The following AGO3 variants were observed in gnomAD, a reference collection of about 807,000 sequenced individuals.
AGO3 encodes the protein protein argonaute-3.
In AGO3, 16 loss-of-function variants were observed where a neutral mutation model predicts 105.5. The observed-to-expected ratio is 0.15, with a 90% CI of 0.10 to 0.23. The LOEUF (loss-of-function observed/expected upper bound fraction) is 0.23, where lower values mean the gene tolerates loss of function less well. Among genes scored for constraint, AGO3 ranks in the 10% least tolerant of loss-of-function variants. The pLI is 1.00. For missense variants in AGO3, 534 were observed against 1,088.0 expected (o/e 0.49, Z 7.16); for synonymous variants, 340 against 367.3 (o/e 0.93, Z 0.85).
At chr1:35,979,323 C>T (rs1048904043) in intron 5 of AGO3, among the ~76,000 whole-genome samples, 7 of 151,854 alleles carry the variant, frequency 4.6e-5, no homozygotes, top group African/African-American at 7.3e-5. Flanking sequence ...GAGATCGCGC[C>T]GCTGCACCCC....
At chr1:35,947,669 G>A (rs1436525739) in intron 2 of AGO3, among the ~76,000 whole-genome samples, 1 of 152,044 alleles carries the variant, frequency 6.6e-6, no homozygotes, top group Non-Finnish European at 1.5e-5. Flanking sequence ...CCTGAACATG[G>A]GTTTTTCAGT....
intron 17 of AGO3, among the ~76,000 whole-genome samples, chr1:36,052,139 A>G (rs373777356): frequency 6.6e-6 from 1 of 152,208 alleles, no homozygotes; most frequent in Non-Finnish European, 1.5e-5. Context: ...GTACTATTAC[A>G]ATAGGCAAGA....
At chr1:36,024,231 C>G (rs1325210751) in intron 11 of AGO3, among the ~76,000 whole-genome samples, 1 of 151,390 alleles carries the variant, frequency 6.6e-6, no homozygotes, top group Admixed American at 6.6e-5. Flanking sequence ...CTTAACTTCC[C>G]AGGCTCAAAC....
chr1:36,022,657 C>T (rs370182198), intron 11 of AGO3, among the ~76,000 whole-genome samples: 6 of 151,892 alleles, frequency 4.0e-5, no homozygotes, highest in African/African-American at 1.2e-4. Flanking sequence ...ATAGGCTGGG[C>T]GCAGTGGCTC....
chr1:36,031,923 G>A (rs560312249), intron 12 of AGO3, among the ~76,000 whole-genome samples: 12 of 151,754 alleles, frequency 7.9e-5, no homozygotes, highest in Non-Finnish European at 1.8e-4. Flanking sequence ...GTGTGTGTGT[G>A]TGTATACACC....
At chr1:35,938,863 T>G (rs1203342083) in intron 1 of AGO3, among the ~76,000 whole-genome samples, 1 of 152,212 alleles carries the variant, frequency 6.6e-6, no homozygotes, top group Admixed American at 6.5e-5. Context: ...TTTTCATCAG[T>G]CACATTTGCT....
chr1:35,937,264 A>G (rs1287099194), intron 1 of AGO3, among the ~76,000 whole-genome samples: 2 of 152,070 alleles, frequency 1.3e-5, no homozygotes, highest in African/African-American at 4.8e-5. Flanking sequence ...TTAGCCGGGC[A>G]TAGTGGCGGG....
chr1:35,973,270 T>A, intron 4 of AGO3, 105 bp from the exon 5 acceptor site: 1 of 1,169,290 alleles, frequency 8.6e-7, no homozygotes, highest in African/African-American at 1.6e-5. Context: ...ATATTCATAA[T>A]GATAAGCATC....
chr1:35,960,185 T>A (rs1646648385), intron 2 of AGO3, among the ~76,000 whole-genome samples: 1 of 152,222 alleles, frequency 6.6e-6, no homozygotes, highest in South Asian at 2.1e-4. Flanking sequence ...CTTAGGAAAC[T>A]AGATAAATTA....
At chr1:35,939,960 A>G (rs376080021) in intron 1 of AGO3, among the ~76,000 whole-genome samples, 2 of 152,306 alleles carry the variant, frequency 1.3e-5, no homozygotes, top group South Asian at 2.1e-4. Flanking sequence ...GACTCATGAT[A>G]TAGTACCATT....
At chr1:36,013,138 T>C (rs1640704138) in intron 9 of AGO3, among the ~76,000 whole-genome samples, 1 of 151,994 alleles carries the variant, frequency 6.6e-6, no homozygotes, top group African/African-American at 2.4e-5. Flanking sequence ...GAGGTCTTGC[T>C]TTGTTGCTCA....
chr1:36,046,776 C>A (rs1369020561), intron 17 of AGO3, among the ~76,000 whole-genome samples: 1 of 151,930 alleles, frequency 6.6e-6, no homozygotes, highest in African/African-American at 2.4e-5. Flanking sequence ...CAGTGCCCTG[C>A]ATATCAGGGA....
At chr1:36,037,619 A>G (rs529013867) in intron 14 of AGO3, among the ~76,000 whole-genome samples, 13 of 152,344 alleles carry the variant, frequency 8.5e-5, no homozygotes, top group Non-Finnish European at 1.9e-4. Flanking sequence ...ATCCCTGAAA[A>G]TGATAGTAAT....
chr1:35,998,144 C>A (rs916402984), intron 5 of AGO3, among the ~76,000 whole-genome samples: 5 of 152,082 alleles, frequency 3.3e-5, no homozygotes, highest in Non-Finnish European at 7.4e-5. Context: ...TGGTAAATTT[C>A]TTTTCCCTAG....
intron 1 of AGO3, among the ~76,000 whole-genome samples, chr1:35,933,908 T>G (rs1185899527): frequency 6.6e-6 from 1 of 152,126 alleles, no homozygotes; most frequent in Admixed American, 6.5e-5. Flanking sequence ...ACCATATAAG[T>G]TAGTATTTGT....
chr1:36,004,906 T>C (rs1360113196), intron 6 of AGO3, among the ~76,000 whole-genome samples: 1 of 152,156 alleles, frequency 6.6e-6, no homozygotes, highest in Non-Finnish European at 1.5e-5. Context: ...TAAAAACGTA[T>C]AAATGTGGGG....
chr1:35,970,794 C>G (rs1266255806), intron 3 of AGO3, among the ~76,000 whole-genome samples: 1 of 151,488 alleles, frequency 6.6e-6, no homozygotes, highest in East Asian at 1.9e-4. Flanking sequence ...CATTGGCACA[C>G]TCACAGCTCA....
intron 5 of AGO3, among the ~76,000 whole-genome samples, chr1:35,977,039 C>A (rs1488773767): frequency 2.0e-5 from 3 of 151,474 alleles, no homozygotes; most frequent in Non-Finnish European, 4.4e-5. Context: ...TTAAAACTTC[C>A]CTCATTTATT....
intron 14 of AGO3, among the ~76,000 whole-genome samples, chr1:36,037,185 CAT>C (rs983666519): frequency 1.3e-4 from 20 of 152,186 alleles, no homozygotes; most frequent in African/African-American, 4.1e-4. Context: ...AAAATATGAA[CAT>C]CTTTTAGGCA....
Sources: allele counts gnomAD v4.1 joint callset (sites outside exome capture counted in the v4.1 genomes callset), GRCh38; gene constraint gnomAD v4.1.1; transcripts MANE v1.5; gene names NCBI Gene and HGNC (gene_info 2026-07-23, HGNC 2026-07-21).